Variants in BCR observed in about 807,000 individuals in gnomAD.
BCR encodes BCR activator of RhoGEF and GTPase, also known as breakpoint cluster region protein.
A neutral mutation model predicts 138.6 loss-of-function variants in BCR; 58 were observed. That is an observed-to-expected ratio of 0.42 (90% CI 0.34 to 0.52). BCR has a LOEUF of 0.52. Ranked by LOEUF, BCR falls within the 20% of genes least tolerant of loss-of-function variation. The pLI is 0.06. For synonymous variants in BCR, 786 were observed against 730.1 expected, an observed-to-expected ratio of 1.08 and a Z score of -1.23; for missense variants, 1,599 against 1,727.2, an observed-to-expected ratio of 0.93 and a Z score of 1.32.
chr22:23,273,320 T>A (rs2073531373), intron 7 of BCR, among the ~76,000 whole-genome samples, 187 bp downstream of exon 7: 1 of 152,076 alleles, frequency 6.6e-6, no homozygotes, highest in African/African-American at 2.4e-5. Flanking sequence ...CTCTTGTCCC[T>A]CCACAAAGAG....
At chr22:23,290,054 C>G in intron 13 of BCR, 1 of 543,750 alleles carries the variant, frequency 1.8e-6, no homozygotes, top group Non-Finnish European at 3.3e-6. Context: ...CCACACACAC[C>G]CCACCCACAT....
intron 4 of BCR, chr22:23,263,147 A>G (rs778568741): frequency 5.4e-4 from 399 of 734,510 alleles, no homozygotes; most frequent in Non-Finnish European, 8.2e-4. Flanking sequence ...TGGCGGCGGC[A>G]GCCAGGGAGG....
At chr22:23,258,609 T>C (rs2073322078) in intron 2 of BCR, among the ~76,000 whole-genome samples, 1 of 152,070 alleles carries the variant, frequency 6.6e-6, no homozygotes, top group Non-Finnish European at 1.5e-5. Flanking sequence ...TCACTGGAGG[T>C]GATTCTGCTC....
At chr22:23,240,067 C>T (rs2042366207) in intron 1 of BCR, among the ~76,000 whole-genome samples, 1 of 152,034 alleles carries the variant, frequency 6.6e-6, no homozygotes, top group African/African-American at 2.4e-5. Flanking sequence ...ATCCTGCCTC[C>T]CAAAGTGCTG....
rs994834905 is a variant in BCR, at chr22:23,181,294, G to A, written c.334G>A (p.Glu112Lys). 7.2e-5 allele frequency: 95 copies of A among 1,313,742 alleles called. No individual in the cohort carries two copies. The highest frequency in any genetic ancestry group is 8.4e-5 in the Non-Finnish European group (86 of 1,027,516). 81.4% of individuals were successfully genotyped at this position (1,313,742 alleles called of 1,614,324 possible). ...ADGADPPPAE[E>K]PEARPDGEGS... ...CGGAGCCGACCCGCCGCCCGCCGAG[G>A]AGCCCGAGGCCCGGCCCGACGGCGA... The change falls in exon 1 of 23, where the codon GAG (glutamate) becomes AAG (lysine). Residue 112 changes from glutamate to lysine, a missense_variant. Around this residue, in one of 4 missense-constraint regions of BCR, gnomAD observed 806 missense variants for 635.0 expected, o/e 1.27. Transcript: ENST00000305877.
chr22:23,308,291 G>C lies in BCR; in HGVS notation c.3013-1133G>C, dbSNP rs537169135. 1.9e-4 allele frequency among the ~76,000 whole-genome samples: 29 copies of C among 152,210 alleles called. 1 individual carries two copies. In the South Asian group the frequency reaches 6.0e-3, roughly 32 times the overall value. The stretch of plus-strand genomic sequence containing the variant: ...TCAGTTCTCTGCAGGTGGAACCCAG[G>C]GAGGTGTTTTTTTTGTTTTTGCTTT... On this transcript the variant is annotated intron_variant, in intron 16 of 22. Transcript: ENST00000305877.
chr22:23,299,675 T>C (rs911552516), intron 16 of BCR, among the ~76,000 whole-genome samples: 1 of 148,748 alleles, frequency 6.7e-6, no homozygotes, highest in Non-Finnish European at 1.5e-5. Context: ...TTTAATACAT[T>C]GTTTAATGGA....
chr22:23,314,411 A>G, intron 21 of BCR, 141 bp from the exon 22 acceptor site: 1 of 1,006,384 alleles, frequency 9.9e-7, no homozygotes, highest in South Asian at 1.4e-5. Context: ...TGAGACCCAG[A>G]AGTACCAGGG....
In BCR at chr22:23,295,041, G is replaced by A. The variant is rs1280715183; in HGVS notation, c.2898G>A (p.Leu966=). ...GGCTGCAGGAATTTGAGATAGAGCT[G>A]GAGGGCTCCCAGACCCTGAGGATAC... ...PNWNEEFEIE[L]EGSQTLRILC... is the part of the protein sequence containing the mutation. Residue 966 remains leucine, a synonymous_variant, in exon 16 of 23, where the codon CTG becomes CTA. Coordinates refer to ENST00000305877, the MANE Select transcript of BCR (RefSeq NM_004327.4). 2 of 1,613,996 alleles carry A rather than the reference G, an allele frequency of 1.2e-6. No individual in the cohort carries two copies. Among genetic ancestry groups the A allele is most frequent in the African/African-American group, 1.3e-5 (1 of 74,924 alleles).
chr22:23,186,432 C>T (rs926138623), intron 1 of BCR, among the ~76,000 whole-genome samples: 1 of 152,196 alleles, frequency 6.6e-6, no homozygotes, highest in African/African-American at 2.4e-5. Flanking sequence ...CCATTTTTAT[C>T]CATACAGTTC....
intron 16 of BCR, among the ~76,000 whole-genome samples, chr22:23,296,015 C>CATGTGG: frequency 6.6e-6 from 1 of 152,248 alleles, no homozygotes; most frequent in African/African-American, 2.4e-5. Flanking sequence ...CCCCTAGAAG[C>CATGTGG]ACAGGGCTCC....
intron 2 of BCR, 69 bp downstream of exon 2, chr22:23,254,049 A>G (rs2073265005): frequency 1.3e-6 from 2 of 1,487,142 alleles, no homozygotes; most frequent in African/African-American, 2.8e-5. Flanking sequence ...CCCCATGCTC[A>G]GGGGTATGTA....
chr22:23,239,831 A>G (rs976904172), intron 1 of BCR, among the ~76,000 whole-genome samples: 2 of 151,806 alleles, frequency 1.3e-5, no homozygotes, highest in Admixed American at 1.3e-4. Context: ...CTTTTTTTTA[A>G]GAGACAGCGT....
intron 1 of BCR, among the ~76,000 whole-genome samples, chr22:23,195,080 C>G (rs370672681): frequency 5.3e-4 from 80 of 152,090 alleles, no homozygotes; most frequent in African/African-American, 1.8e-3. Flanking sequence ...AGTTCAAGAC[C>G]AGCCTGGCCA....
chr22:23,196,450 A>C (rs917459206), intron 1 of BCR, among the ~76,000 whole-genome samples: 1 of 152,112 alleles, frequency 6.6e-6, no homozygotes, highest in Non-Finnish European at 1.5e-5. Flanking sequence ...GAGGTTGTGG[A>C]GGGGAGGGTA....
At position 23,181,403 on chromosome 22, in the gene BCR, C is replaced by T; in HGVS notation, c.443C>T (p.Pro148Leu). The change falls in exon 1 of 23, where the codon CCC becomes CTC. Residue 148 changes from proline to leucine, a missense_variant. This residue lies in a region of BCR where 806 missense variants were observed against 635.0 expected (regional missense o/e 1.27). Transcript: ENST00000305877. ...GGGGAACGGGACGACCGGGGACCCC[C>T]CGCCAGCGTGGCGGCGCTCAGGTCC... Reference protein sequence around the residue: ...ASGERDDRGPPASVAALRSNF... With the variant: ...ASGERDDRGPLASVAALRSNF... 9 of 1,566,916 alleles carry T rather than the reference C, an allele frequency of 5.7e-6. No individual in the cohort carries two copies. Among genetic ancestry groups the T allele is most frequent in the Non-Finnish European group, 7.8e-6 (9 of 1,156,064 alleles).
chr22:23,244,199 C>T (rs533180471), intron 1 of BCR, among the ~76,000 whole-genome samples: 89 of 152,288 alleles, frequency 5.8e-4, no homozygotes, highest in African/African-American at 1.8e-3. Context: ...AAGGAGAAAA[C>T]CCACACGTGT....
chr22:23,194,712 G>A (rs986900807), intron 1 of BCR, among the ~76,000 whole-genome samples: 62 of 151,988 alleles, frequency 4.1e-4, no homozygotes, highest in Non-Finnish European at 6.9e-4. Context: ...GTGCCCGGCC[G>A]GGTGGATCTC....
At chr22:23,263,933 C>G (rs2073404021) in intron 4 of BCR, 2 of 930,148 alleles carry the variant, frequency 2.2e-6, no homozygotes, top group East Asian at 4.8e-5. Context: ...ACTTCTCACC[C>G]CTGAAAATCT....
Sources: allele counts gnomAD v4.1 joint callset (sites outside exome capture counted in the v4.1 genomes callset), GRCh38; gene constraint gnomAD v4.1.1; regional missense constraint gnomAD v4.1.1; transcripts MANE v1.5; gene names NCBI Gene and HGNC (gene_info 2026-07-23, HGNC 2026-07-21).